KCNH7: variants seen among roughly 807,000 people sequenced by gnomAD.
KCNH7 encodes the protein voltage-gated inwardly rectifying potassium channel KCNH7.
A neutral mutation model predicts 120.8 loss-of-function variants in KCNH7; 49 were observed. The ratio of observed to expected loss-of-function variants is 0.41; its 90% CI spans 0.32 to 0.51. The LOEUF (loss-of-function observed/expected upper bound fraction) is 0.51, where lower values mean the gene tolerates loss of function less well. Among genes scored for constraint, KCNH7 ranks in the 20% least tolerant of loss-of-function variants. The pLI is 0.38. For missense variants in KCNH7, 1,097 were observed against 1,446.6 expected (o/e 0.76, Z 3.92); for synonymous variants, 547 against 516.1 (o/e 1.06, Z -0.81).
rs189160921 is a variant in KCNH7 at position 162,636,558 on chromosome 2, T to C, written c.308-99478A>G. ...GCCTGGATGATTCAAAGCATAAGCATTTTAATTCCAAACCAAAAACTGAAC... is the reference window on the plus strand; with the variant it reads ...GCCTGGATGATTCAAAGCATAAGCACTTTAATTCCAAACCAAAAACTGAAC... On this transcript the variant is annotated intron_variant, in intron 2 of 15. Transcript: ENST00000332142. Among the ~76,000 whole-genome samples the C allele has an allele frequency of 3.0e-3, 463 of 152,240 alleles. 1 individual carries two copies. The highest frequency in any genetic ancestry group is 0.011 in the African/African-American group (441 of 41,574).
At chr2:162,532,272 G>A (rs1258644483) in intron 3 of KCNH7, among the ~76,000 whole-genome samples, 1 of 151,898 alleles carries the variant, frequency 6.6e-6, no homozygotes, top group Non-Finnish European at 1.5e-5. Context: ...AAGTCTCCCT[G>A]GAGTGTTGGG....
At chr2:162,731,232 A>ATATG (rs1279853625) in intron 2 of KCNH7, among the ~76,000 whole-genome samples, 10 of 143,326 alleles carry the variant, frequency 7.0e-5, no homozygotes, top group Admixed American at 4.2e-4. Context: ...ATATATATAT[A>ATATG]TGTGTGTGTG....
At chr2:162,452,384 T>C (rs937960234) in intron 6 of KCNH7, among the ~76,000 whole-genome samples, 1 of 152,150 alleles carries the variant, frequency 6.6e-6, no homozygotes, top group African/African-American at 2.4e-5. Flanking sequence ...GAGGCTTACC[T>C]CTGTAAGAAT....
chr2:162,590,905 A>C (rs1437631650), intron 2 of KCNH7, among the ~76,000 whole-genome samples: 2 of 152,164 alleles, frequency 1.3e-5, no homozygotes, highest in African/African-American at 4.8e-5. Flanking sequence ...TACTAAGAAT[A>C]AAATTCAAAC....
chr2:162,721,230 G>C (rs542688459), intron 2 of KCNH7, among the ~76,000 whole-genome samples: 14 of 152,160 alleles, frequency 9.2e-5, no homozygotes, highest in Admixed American at 8.5e-4. Flanking sequence ...TTTAATATTG[G>C]CTGGCATTTT....
chr2:162,673,420 T>C (rs887109750), intron 2 of KCNH7, among the ~76,000 whole-genome samples: 5 of 152,062 alleles, frequency 3.3e-5, no homozygotes, highest in African/African-American at 1.2e-4. Context: ...CCACCACATA[T>C]CAGATTGTAT....
At chr2:162,435,072 T>A in intron 8 of KCNH7, 126 bp downstream of exon 8, 1 of 841,480 alleles carries the variant, frequency 1.2e-6, no homozygotes. Context: ...AGTACCCATA[T>A]ATGTAATCCC....
At chr2:162,793,456 T>TA (rs138233465) in intron 2 of KCNH7, among the ~76,000 whole-genome samples, 7 of 150,262 alleles carry the variant, frequency 4.7e-5, no homozygotes, top group South Asian at 2.1e-4. Flanking sequence ...AAATAAAAGT[T>TA]AAAAAAAAAG....
intron 2 of KCNH7, among the ~76,000 whole-genome samples, chr2:162,733,164 A>G (rs757238030): frequency 6.6e-6 from 1 of 152,164 alleles, no homozygotes; most frequent in Non-Finnish European, 1.5e-5. Context: ...AGCTTCTTTG[A>G]AAAAACAGGT....
chr2:162,673,335 A>T (rs780876936), intron 2 of KCNH7, among the ~76,000 whole-genome samples: 2 of 152,104 alleles, frequency 1.3e-5, no homozygotes, highest in Non-Finnish European at 2.9e-5. Context: ...AATGTATGAA[A>T]AGGACGAAAC....
At chr2:162,831,781 C>A (rs1031909128) in intron 2 of KCNH7, among the ~76,000 whole-genome samples, 3 of 152,184 alleles carry the variant, frequency 2.0e-5, no homozygotes, top group Non-Finnish European at 4.4e-5. Flanking sequence ...TTCTCAAGCA[C>A]CTTGGGTGTG....
chr2:162,415,809 A>G (rs950379256), intron 9 of KCNH7, among the ~76,000 whole-genome samples: 3 of 152,172 alleles, frequency 2.0e-5, no homozygotes, highest in African/African-American at 7.2e-5. Flanking sequence ...TCATATTTAG[A>G]AAGCATGGGA....
intron 2 of KCNH7, among the ~76,000 whole-genome samples, chr2:162,617,871 TA>T (rs1175208654): frequency 6.6e-6 from 1 of 152,178 alleles, no homozygotes; most frequent in South Asian, 2.1e-4. Flanking sequence ...CCATTTAGAA[TA>T]TTTTTTTCTA....
chr2:162,747,528 G>C (rs748172612), intron 2 of KCNH7, among the ~76,000 whole-genome samples: 3 of 152,126 alleles, frequency 2.0e-5, no homozygotes, highest in Non-Finnish European at 4.4e-5. Flanking sequence ...AGTTGGGTGT[G>C]AGTTGAACAG....
intron 6 of KCNH7, among the ~76,000 whole-genome samples, chr2:162,462,395 G>A (rs1689171361): frequency 6.6e-6 from 1 of 152,000 alleles, no homozygotes; most frequent in East Asian, 1.9e-4. Context: ...GTCCTTTATC[G>A]AATTTTCAGT....
At position 162,373,652 on chromosome 2, in the gene KCNH7, G is replaced by T; in HGVS notation, c.3142C>A (p.Gln1048Lys). The change falls in exon 15 of 16, where the codon CAA becomes AAA. Residue 1048 changes from glutamine (Q) to lysine (K), a missense_variant. This residue lies in a region of KCNH7 where 406 missense variants were observed against 410.5 expected (regional missense o/e 0.99). Coordinates refer to ENST00000332142, the MANE Select transcript of KCNH7 (RefSeq NM_033272.4). ...ATGGTCTGGATGTCAGTGGTCATTT[G>T]GGATTCAAGCCTACAGAACAGACAG... ...LQEQLNRLES[Q>K]MTTDIQTILQ... 6.6e-7 allele frequency: 1 copy of T among 1,513,672 alleles called. No homozygotes were observed. The allele number at this position is 1,513,672 out of a possible 1,614,324, so 93.8% of individuals were successfully genotyped here.
At chr2:162,380,083 T>C (rs945330885) in intron 13 of KCNH7, 62 bp from the exon 14 acceptor site, 54 of 1,555,834 alleles carry the variant, frequency 3.5e-5, no homozygotes, top group African/African-American at 4.1e-5. Context: ...CAATAATTCA[T>C]AGATATCCAC....
chr2:162,748,320 G>A (rs947619239), intron 2 of KCNH7, among the ~76,000 whole-genome samples: 1 of 152,124 alleles, frequency 6.6e-6, no homozygotes, highest in Non-Finnish European at 1.5e-5. Context: ...TATCCAGGTT[G>A]AATTTTTCAT....
At chr2:162,544,942 T>C (rs941329728) in intron 2 of KCNH7, among the ~76,000 whole-genome samples, 2 of 152,160 alleles carry the variant, frequency 1.3e-5, no homozygotes, top group African/African-American at 4.8e-5. Flanking sequence ...GATCGCTACA[T>C]ATTATTATTA....
Sources: gnomAD v4.1 joint callset for allele counts (sites outside exome capture counted in the v4.1 genomes callset) on GRCh38, gnomAD v4.1.1 for gene constraint, gnomAD v4.1.1 regional missense constraint, MANE v1.5 for transcripts, NCBI Gene and HGNC (gene_info 2026-07-23, HGNC 2026-07-21) for gene names.